CAMTA1: variants seen among roughly 807,000 people sequenced by gnomAD.
The protein encoded by CAMTA1 is calmodulin binding transcription activator 1, also known as calmodulin-binding transcription activator 1.
CAMTA1 carries 27 observed loss-of-function variants against 170.9 expected under a neutral mutation model. That is an observed-to-expected ratio of 0.16 (90% confidence interval 0.12 to 0.22). The LOEUF is 0.22. Among genes scored for constraint, CAMTA1 ranks in the 10% least tolerant of loss-of-function variants. The pLI is 1.00. For missense variants in CAMTA1, 1,619 were observed against 2,217.2 expected (o/e 0.73, Z 5.42); for synonymous variants, 833 against 891.5 (o/e 0.93, Z 1.17).
At chr1:6,959,271 G>A (rs553837586) in intron 3 of CAMTA1, among the ~76,000 whole-genome samples, 4 of 152,334 alleles carry the variant, frequency 2.6e-5, no homozygotes, top group Admixed American at 6.5e-5. Flanking sequence ...TAGCTCAGAC[G>A]CTGTGAAGAA....
chr1:7,449,379 C>T (rs563029084), intron 5 of CAMTA1, among the ~76,000 whole-genome samples: 1 of 152,302 alleles, frequency 6.6e-6, no homozygotes. Flanking sequence ...AGAGCAGCTC[C>T]CACCAGGGTA....
Position 6,987,937 on chromosome 1 carries a change from C to T in CAMTA1, c.235-103367C>T, listed in dbSNP as rs190724018. ...GCCGGCGTCTGTCATCTTTGATCTC[C>T]TCCTGTAACTCTGTAGGGCTTAGCC... is the stretch of plus-strand genomic sequence containing the variant. On this transcript the variant is annotated intron_variant, in intron 3 of 22. Transcript: ENST00000303635. 3.3e-5 allele frequency among the ~76,000 whole-genome samples: 5 copies of T among 152,278 alleles called. No homozygotes were observed. In the South Asian group the frequency reaches 1.0e-3, roughly 32 times the overall value.
intron 3 of CAMTA1, among the ~76,000 whole-genome samples, chr1:6,909,004 C>T (rs1557808065): frequency 6.6e-6 from 1 of 152,200 alleles, no homozygotes; most frequent in Non-Finnish European, 1.5e-5. Flanking sequence ...TGGCGAAGTA[C>T]AATAATAACC....
intron 5 of CAMTA1, among the ~76,000 whole-genome samples, chr1:7,277,654 A>G (rs1004995291): frequency 6.6e-6 from 1 of 152,152 alleles, no homozygotes; most frequent in African/African-American, 2.4e-5. Flanking sequence ...TGGTTTGAAA[A>G]TGAATTTATA....
intron 3 of CAMTA1, among the ~76,000 whole-genome samples, chr1:6,902,603 A>C (rs1430782175): frequency 1.3e-5 from 2 of 152,164 alleles, no homozygotes; most frequent in African/African-American, 4.8e-5. Context: ...AATTTTCTGT[A>C]TGGTGTTTGT....
intron 5 of CAMTA1, among the ~76,000 whole-genome samples, chr1:7,296,357 A>G (rs1245281858): frequency 2.0e-5 from 3 of 152,326 alleles, no homozygotes; most frequent in African/African-American, 7.2e-5. Flanking sequence ...TGGCTCCAGT[A>G]CTTGTGCTCC....
chr1:7,267,801 A>G (rs1427861761), intron 5 of CAMTA1, among the ~76,000 whole-genome samples: 12 of 152,186 alleles, frequency 7.9e-5, no homozygotes, highest in Non-Finnish European at 5.9e-5. Context: ...GGGCCCTGAC[A>G]CAGCTGGTGA....
At chr1:6,948,972 T>G (rs1373202757) in intron 3 of CAMTA1, among the ~76,000 whole-genome samples, 1 of 152,298 alleles carries the variant, frequency 6.6e-6, no homozygotes, top group Middle Eastern at 3.4e-3. Flanking sequence ...TCCCCCACTT[T>G]AGGGTTTAAC....
intron 3 of CAMTA1, among the ~76,000 whole-genome samples, chr1:7,025,110 C>G (rs968303639): frequency 3.9e-5 from 6 of 152,090 alleles, no homozygotes; most frequent in Non-Finnish European, 8.8e-5. Context: ...TTATGTCCTG[C>G]ACAAAACTGT....
chr1:6,937,364 A>G (rs1685531586), intron 3 of CAMTA1, among the ~76,000 whole-genome samples: 1 of 151,866 alleles, frequency 6.6e-6, no homozygotes, highest in Non-Finnish European at 1.5e-5. Context: ...CATCACCATC[A>G]CCATCACCAT....
chr1:7,322,249 T>C (rs1298503947), intron 5 of CAMTA1, among the ~76,000 whole-genome samples: 1 of 152,230 alleles, frequency 6.6e-6, no homozygotes, highest in Non-Finnish European at 1.5e-5. Flanking sequence ...TTGGGCTTTG[T>C]CGGCCCCACA....
chr1:7,539,990 A>G (rs2094590827), intron 6 of CAMTA1, among the ~76,000 whole-genome samples: 1 of 152,140 alleles, frequency 6.6e-6, no homozygotes, highest in South Asian at 2.1e-4. Flanking sequence ...CCCAGCTAGG[A>G]TGCTGACTCC....
chr1:7,549,293 C>T (rs1214860965), intron 6 of CAMTA1, among the ~76,000 whole-genome samples: 1 of 151,872 alleles, frequency 6.6e-6, no homozygotes, highest in Non-Finnish European at 1.5e-5. Context: ...TGGAGATGCC[C>T]GTGGAGGGTG....
chr1:7,479,836 A>G (rs1439007585), intron 6 of CAMTA1, among the ~76,000 whole-genome samples: 2 of 152,196 alleles, frequency 1.3e-5, no homozygotes, highest in Non-Finnish European at 1.5e-5. Context: ...CCGAACCCAC[A>G]TAGCCAAGTG....
chr1:7,130,507 T>C (rs1368085049), intron 4 of CAMTA1, among the ~76,000 whole-genome samples: 1 of 152,222 alleles, frequency 6.6e-6, no homozygotes, highest in African/African-American at 2.4e-5. Flanking sequence ...GGGAAGTATA[T>C]TGAACTTTAT....
At chr1:7,608,350 G>C (rs1222352444) in intron 6 of CAMTA1, among the ~76,000 whole-genome samples, 1 of 152,332 alleles carries the variant, frequency 6.6e-6, no homozygotes, top group South Asian at 2.1e-4. Context: ...AAATTGGACA[G>C]AGCCAGGGCA....
chr1:7,722,436 T>C (rs1037427799), intron 11 of CAMTA1, among the ~76,000 whole-genome samples: 3 of 151,384 alleles, frequency 2.0e-5, no homozygotes, highest in African/African-American at 7.3e-5. Flanking sequence ...GAAAAGGGAA[T>C]CTGAAGCCCC....
chr1:6,941,522 C>T (rs1686620689), intron 3 of CAMTA1, among the ~76,000 whole-genome samples: 1 of 152,114 alleles, frequency 6.6e-6, no homozygotes, highest in African/African-American at 2.4e-5. Flanking sequence ...TGTAAATGGC[C>T]TATTTAGGAG....
rs2095707765 is a variant in CAMTA1, at chr1:7,635,782, C to T, written c.511-4618C>T. 6.6e-6 allele frequency among the ~76,000 whole-genome samples: 1 copy of T among 152,186 alleles called. No homozygotes were observed. The highest frequency in any genetic ancestry group is 2.4e-5 in the African/African-American group (1 of 41,456). On this transcript the variant is annotated intron_variant, in intron 6 of 22. Coordinates refer to ENST00000303635, the MANE Select transcript of CAMTA1 (RefSeq NM_015215.4). This position sits in a 1 kb window ranked among gnomAD's most constrained non-coding sequence, Gnocchi z 4.4. Reference sequence around the variant, plus strand: ...AAGGACTCTGACACCGTTATGAGCACTCCATGAAACTGATACATTAGGACT... The same window carrying T: ...AAGGACTCTGACACCGTTATGAGCATTCCATGAAACTGATACATTAGGACT...
Sources: gnomAD v4.1 joint callset for allele counts (sites outside exome capture counted in the v4.1 genomes callset) on GRCh38, gnomAD v4.1.1 for gene constraint, Gnocchi (gnomAD v3.1) non-coding constraint, MANE v1.5 for transcripts, NCBI Gene and HGNC (gene_info 2026-07-23, HGNC 2026-07-21) for gene names.